SLC13A2: variants seen among roughly 807,000 people sequenced by gnomAD.
SLC13A2 encodes solute carrier family 13 member 2, also known as Na(+)-coupled citrate transporter.
Under a neutral mutation model 58.5 loss-of-function variants are expected in SLC13A2, and 40 were observed. The ratio of observed to expected loss-of-function variants is 0.68; its 90% CI spans 0.53 to 0.89. The LOEUF is 0.89. SLC13A2 is among the 40% of genes least tolerant of loss of function. SLC13A2 has a pLI of 0.00. For synonymous variants in SLC13A2, 341 were observed against 331.6 expected (o/e 1.03, Z -0.31); for missense variants, 694 against 772.6 (o/e 0.90, Z 1.21).
rs782768888 is a variant in SLC13A2 at position 28,491,736 on chromosome 17, C to T, written c.762C>T (p.Phe254=). 1.2e-6 allele frequency: 2 copies of T among 1,614,102 alleles called. No homozygotes were observed. Among genetic ancestry groups the T allele is most frequent in the Admixed American group, 3.3e-5 (2 of 60,018 alleles). The change falls in exon 6 of 12, where the codon TTC becomes TTT. Residue 254 remains phenylalanine (F), a synonymous_variant. Coordinates refer to ENST00000314669, the MANE Select transcript of SLC13A2 (RefSeq NM_003984.4). ...LVLQGQINSL[F]PQNGNVVNFA... is the part of the protein sequence containing the mutation. The stretch of plus-strand genomic sequence containing the variant: ...GCCCATGTTCCTCCTTCAGGCTCTT[C>T]CCCCAAAACGGCAACGTGGTGAACT...
intron 1 of SLC13A2, among the ~76,000 whole-genome samples, chr17:28,479,381 C>T (rs1402563325): frequency 2.0e-5 from 3 of 152,084 alleles, no homozygotes; most frequent in Non-Finnish European, 2.9e-5. Context: ...TAAGAGGCCT[C>T]ACTAGATTGC....
intron 5 of SLC13A2, 50 bp from the exon 6 acceptor site, chr17:28,491,680 T>C (rs782320655): frequency 5.0e-6 from 8 of 1,610,192 alleles, no homozygotes; most frequent in Non-Finnish European, 6.8e-6. Context: ...TGAATGGGGC[T>C]GGGCAGTTCT....
rs782564202 is a variant in SLC13A2 at position 28,490,508 on chromosome 17, G to T, written c.286G>T (p.Val96Leu). 1 of 1,614,116 alleles carries T rather than the reference G, an allele frequency of 6.2e-7. No individual in the cohort carries two copies. The highest frequency in any genetic ancestry group is 8.5e-7 in the Non-Finnish European group (1 of 1,180,024). Residue 96 changes from valine (V) to leucine (L), a missense_variant, in exon 3 of 12, where the codon GTG (valine) becomes TTG (leucine). Val to Leu is a conservative substitution (Grantham distance 32, BLOSUM62 1). Transcript: ENST00000314669. ...CCTCCTGTTCTTCGGGGGGCTGCTG[G>T]TGGCCATCGCGGTGGAACACTGGAA... ...SNLLFFGGLL[V>L]AIAVEHWNLH... is the part of the protein sequence containing the mutation.
chr17:28,476,479 C>G (rs2151441591), intron 1 of SLC13A2, among the ~76,000 whole-genome samples: 1 of 152,250 alleles, frequency 6.6e-6, no homozygotes, highest in South Asian at 2.1e-4. Context: ...CTTCAAGCAG[C>G]CAGAAGTCAC....
At chr17:28,493,437 C>T (rs1368590136) in intron 6 of SLC13A2, 134 bp from the exon 7 acceptor site, 12 of 666,856 alleles carry the variant, frequency 1.8e-5, no homozygotes, top group East Asian at 2.8e-5. Flanking sequence ...GAACCTCAGG[C>T]GGAGCTGGGG....
chr17:28,479,703 T>C (rs1229982697), intron 1 of SLC13A2, among the ~76,000 whole-genome samples: 1 of 152,198 alleles, frequency 6.6e-6, no homozygotes, highest in Non-Finnish European at 1.5e-5. Context: ...GCATAAACAT[T>C]ACATGTGTTT....
chr17:28,476,714 A>G (rs148606387), intron 1 of SLC13A2, among the ~76,000 whole-genome samples: 321 of 152,294 alleles, frequency 2.1e-3, no homozygotes, highest in African/African-American at 5.9e-3. Flanking sequence ...TCTTTTGTTT[A>G]TAGGGTGTTT....
chr17:28,483,451 G>A (rs11654250), intron 1 of SLC13A2, among the ~76,000 whole-genome samples: 6,646 of 151,612 alleles, frequency 0.044, 224 homozygotes, highest in Non-Finnish European at 0.068. Flanking sequence ...AATATAGCGA[G>A]ACCCTCATCT....
At position 28,476,993 on chromosome 17, in the gene SLC13A2, TA is replaced by T. The variant is rs112478802; in HGVS notation, c.102+3188del. On this transcript the variant is annotated intron_variant, in intron 1 of 11. Transcript: ENST00000314669. ...CCAACATGATGAAACCCCGTCTCTA[TA>T]AAAAAAAACACAAAAATTAGCCAAG... Among the ~76,000 whole-genome samples, 8 of 149,254 alleles carry T rather than the reference TA, an allele frequency of 5.4e-5. No homozygotes were observed. In the South Asian group the frequency reaches 6.4e-4, roughly 12 times the overall value.
At position 28,494,827 on chromosome 17, in the gene SLC13A2, G is replaced by A. The variant is rs1037173975; in HGVS notation, c.1308+315G>A. Among the ~76,000 whole-genome samples, 1 of 152,144 alleles carries A rather than the reference G, an allele frequency of 6.6e-6. No individual in the cohort carries two copies. The highest frequency in any genetic ancestry group is 2.1e-4 in the South Asian group (1 of 4,824). ...CCTTTGCCCGCTGCCAGAGCACACAGTAGCATCAGCACCAAAGTAATTGGG... is the reference window on the plus strand; with the variant it reads ...CCTTTGCCCGCTGCCAGAGCACACAATAGCATCAGCACCAAAGTAATTGGG... On this transcript the variant is annotated intron_variant, in intron 9 of 11. Transcript: ENST00000314669. This position sits in a 1 kb window ranked among gnomAD's most constrained non-coding sequence, Gnocchi z 4.0.
chr17:28,491,516 C>A lies in SLC13A2; in HGVS notation c.654C>A (p.Thr218=), dbSNP rs781973730. 9.3e-6 allele frequency: 15 copies of A among 1,613,694 alleles called. No homozygotes were observed. The Admixed American group carries it at 2.5e-4, about 27-fold the overall frequency. The change falls in exon 5 of 12, where the codon ACC becomes ACA. Residue 218 remains threonine, a synonymous_variant. Transcript: ENST00000314669. ...AHLSQKHLHL[T]QCMSLCVCYS... is the part of the protein sequence containing the mutation. ...TCAGCCAGAAGCATCTCCACCTCAC[C>A]CAGTGCATGAGCCTGTGCGTGTGCT...
At position 28,497,223 on chromosome 17, in the gene SLC13A2, C is replaced by T. The variant is rs373516983; in HGVS notation, c.1733C>T (p.Ala578Val). 8 of 1,614,138 alleles carry T rather than the reference C, an allele frequency of 5.0e-6. No homozygotes were observed. The highest frequency in any genetic ancestry group is 3.3e-4 in the Middle Eastern group (2 of 6,060). The stretch of plus-strand genomic sequence containing the variant: ...TCCTGGGCACAGTCCAACACCACAG[C>T]CCAGTGCCTGCCAAGCCTGGCCAAC... ...FPSWAQSNTT[A>V]QCLPSLANTT... The change falls in exon 12 of 12, where the codon GCC (alanine) becomes GTC (valine). Residue 578 changes from alanine to valine, a missense_variant. Coordinates refer to ENST00000314669, the MANE Select transcript of SLC13A2 (RefSeq NM_003984.4).
At chr17:28,488,966 C>G in intron 1 of SLC13A2, among the ~76,000 whole-genome samples, 1 of 152,240 alleles carries the variant, frequency 6.6e-6, no homozygotes, top group East Asian at 1.9e-4. Flanking sequence ...CAACTCCAGA[C>G]TCTCCGAAGT....
intron 1 of SLC13A2, among the ~76,000 whole-genome samples, chr17:28,477,191 TTG>T (rs1349704849): frequency 0.01 from 1,210 of 116,714 alleles, 61 homozygotes; most frequent in African/African-American, 0.037. Flanking sequence ...CCCAAGTTTT[TTG>T]TTTTTTTTTT....
In SLC13A2 at chr17:28,497,292, C is replaced by A. The variant is rs782519033; in HGVS notation, c.*23C>A. On this transcript the variant is annotated 3_prime_UTR_variant, in exon 12 of 12. Coordinates refer to ENST00000314669, the MANE Select transcript of SLC13A2 (RefSeq NM_003984.4). Reference sequence around the variant, plus strand: ...TAGGCTGGGGCACAGCCTGGCCATGCCCAGGAAGACCCACCCCATTCCCAC... The same window carrying A: ...TAGGCTGGGGCACAGCCTGGCCATGACCAGGAAGACCCACCCCATTCCCAC... 6.3e-7 allele frequency: 1 copy of A among 1,596,126 alleles called. No homozygotes were observed. The highest frequency in any genetic ancestry group is 8.6e-7 in the Non-Finnish European group (1 of 1,168,552).
At position 28,494,121 on chromosome 17, in the gene SLC13A2, G is replaced by C; in HGVS notation, c.1186+16G>C. 1 of 1,610,244 alleles carries C rather than the reference G, an allele frequency of 6.2e-7. No individual in the cohort carries two copies. On this transcript the variant is annotated intron_variant, in intron 8 of 11. Transcript: ENST00000314669. The surrounding 1 kb of genome is among the most constrained non-coding windows in gnomAD (Gnocchi z 4.0). ...CAGGACCCAGGTAAGCACCTGGACT[G>C]GGGCAGGGAAGGGTCTCCGGGCAGC...
At chr17:28,474,854 C>A (rs2151440421) in intron 1 of SLC13A2, among the ~76,000 whole-genome samples, 1 of 152,256 alleles carries the variant, frequency 6.6e-6, no homozygotes, top group East Asian at 1.9e-4. Flanking sequence ...CCACCCCACA[C>A]CCCCAGAACT....
At position 28,493,620 on chromosome 17, in the gene SLC13A2, G is replaced by C. The variant is rs11568441; in HGVS notation, c.928G>C (p.Ala310Pro). ...IGEKMQEQQQAAYCVIQTEHR... is the reference protein window; with the variant it reads ...IGEKMQEQQQPAYCVIQTEHR... Reference sequence around the variant, plus strand: ...GGAAAAGATGCAGGAGCAACAGCAGGCAGCCTACTGCGTCATCCAGACCGA... The same window carrying C: ...GGAAAAGATGCAGGAGCAACAGCAGCCAGCCTACTGCGTCATCCAGACCGA... The change falls in exon 7 of 12, where the codon GCA becomes CCA. Residue 310 changes from alanine (A) to proline (P), a missense_variant. Transcript: ENST00000314669. 192 of 1,612,422 alleles carry C rather than the reference G, an allele frequency of 1.2e-4. No homozygotes were observed. The highest frequency in any genetic ancestry group is 5.8e-4 in the Admixed American group (35 of 59,940).
rs782617929 is a variant in SLC13A2 at position 28,489,283 on chromosome 17, G to A, written c.172G>A (p.Val58Ile). The A allele has an allele frequency of 2.4e-5, 38 of 1,614,076 alleles. No homozygotes were observed. The East Asian group carries it at 4.2e-4, about 18-fold the overall frequency. The change falls in exon 2 of 12, where the codon GTC becomes ATC. Residue 58 changes from valine (V) to isoleucine (I), a missense_variant. By Grantham distance (29) the Val-to-Ile change is conservative. Transcript: ENST00000314669. ...GTGCACTGAGGCCCTGCCCCTGGCC[G>A]TCACTGCCCTCTTCCCCTTAATCCT... The part of the protein sequence containing the change: ...FWCTEALPLA[V>I]TALFPLILFP...
Sources: allele counts gnomAD v4.1 joint callset (sites outside exome capture counted in the v4.1 genomes callset), GRCh38; gene constraint gnomAD v4.1.1; non-coding constraint Gnocchi (gnomAD v3.1); transcripts MANE v1.5; gene names NCBI Gene and HGNC (gene_info 2026-07-23, HGNC 2026-07-21).